The following CSNK1G3 variants were observed in gnomAD, a reference collection of about 807,000 sequenced individuals.
CSNK1G3 encodes casein kinase I isoform gamma-3.
Under a neutral mutation model 64.3 loss-of-function variants are expected in CSNK1G3, and 23 were observed. The ratio of observed to expected loss-of-function variants is 0.36; its 90% CI spans 0.26 to 0.51. The LOEUF (loss-of-function observed/expected upper bound fraction) is 0.51. Ranked by LOEUF, CSNK1G3 falls within the 20% of genes least tolerant of loss-of-function variation. The pLI, the probability that CSNK1G3 is intolerant of heterozygous loss-of-function variation, is 0.96. For missense variants in CSNK1G3, 357 were observed against 510.5 expected (o/e 0.70, Z 2.90); for synonymous variants, 158 against 162.2 (o/e 0.97, Z 0.20).
At chr5:123,613,929 A>G (rs1175655325) in intron 12 of CSNK1G3, among the ~76,000 whole-genome samples, 1 of 152,182 alleles carries the variant, frequency 6.6e-6, no homozygotes, top group Non-Finnish European at 1.5e-5. Context: ...TGTATATTGG[A>G]GTGTCTTTTT....
At chr5:123,615,592 T>TTAA (rs1749318739) in exon 13 of CSNK1G3, 1 of 126,840 alleles carries the variant, frequency 7.9e-6, no homozygotes, top group African/African-American at 2.6e-5. Context: ...TGCCTGCATA[T>TTAA]GAACAACAAC....
At chr5:123,560,871 A>G (rs1005222657) in intron 4 of CSNK1G3, among the ~76,000 whole-genome samples, 1 of 152,144 alleles carries the variant, frequency 6.6e-6, no homozygotes, top group Non-Finnish European at 1.5e-5. Context: ...GGGATGATGA[A>G]CAAATTTTGG....
At chr5:123,516,574 T>C (rs1231305098) in intron 1 of CSNK1G3, among the ~76,000 whole-genome samples, 1 of 152,232 alleles carries the variant, frequency 6.6e-6, no homozygotes, top group African/African-American at 2.4e-5. Context: ...TCCTGCCACT[T>C]CGTGCTTATC....
intron 1 of CSNK1G3, among the ~76,000 whole-genome samples, chr5:123,542,569 A>T (rs1023485293): frequency 1.3e-5 from 2 of 152,140 alleles, no homozygotes; most frequent in Admixed American, 6.6e-5. Context: ...CCCTTCATCC[A>T]AAAATGGCTT....
chr5:123,522,791 A>G (rs1778356863), intron 1 of CSNK1G3, among the ~76,000 whole-genome samples: 1 of 152,176 alleles, frequency 6.6e-6, no homozygotes, highest in African/African-American at 2.4e-5. Context: ...CCCATAGATA[A>G]TGAGGGTCAA....
Position 123,593,202 on chromosome 5 carries a change from TACACACACACAC to T in CSNK1G3, c.1086+1804_1086+1815del, listed in dbSNP as rs1554081831. 2.0e-5 allele frequency among the ~76,000 whole-genome samples: 3 copies of T among 146,928 alleles called. No individual in the cohort carries two copies. In the East Asian group the frequency reaches 6.1e-4, roughly 30 times the overall value. Reference sequence around the variant, plus strand: ...TGTAGGGTGGGTGTGTGTGTATATATACACACACACACACACACACACACACATATATATAAT... The same window carrying T: ...TGTAGGGTGGGTGTGTGTGTATATATACACACACACACACATATATATAAT... On this transcript the variant is annotated intron_variant, in intron 10 of 12. Transcript: ENST00000345990.
intron 8 of CSNK1G3, 58 bp from the exon 9 acceptor site, chr5:123,590,352 T>C: frequency 1.2e-6 from 1 of 840,878 alleles, no homozygotes; most frequent in Admixed American, 3.3e-5. Context: ...AGATACTTAA[T>C]TTTATTACTG....
At chr5:123,601,846 ATTG>A (rs1271586300) in intron 10 of CSNK1G3, among the ~76,000 whole-genome samples, 1 of 152,154 alleles carries the variant, frequency 6.6e-6, no homozygotes, top group Non-Finnish European at 1.5e-5. Flanking sequence ...AGCAGTGGAA[ATTG>A]TTCAGTGAAC....
intron 1 of CSNK1G3, among the ~76,000 whole-genome samples, chr5:123,518,474 A>C (rs1777553889): frequency 6.6e-6 from 1 of 152,124 alleles, no homozygotes; most frequent in Non-Finnish European, 1.5e-5. Context: ...TGTGTGTTGG[A>C]GTCATCCTAA....
exon 12 of CSNK1G3, chr5:123,605,350 T>C: frequency 2.5e-6 from 4 of 1,610,462 alleles, no homozygotes; most frequent in Non-Finnish European, 3.4e-6. Context: ...TGCCAGAAAG[T>C]GTTGAACATG....
At chr5:123,601,036 A>G (rs547890494) in intron 10 of CSNK1G3, among the ~76,000 whole-genome samples, 18 of 152,236 alleles carry the variant, frequency 1.2e-4, no homozygotes, top group East Asian at 7.7e-4. Flanking sequence ...TGAAATGTCA[A>G]ACCTCAGAAT....
chr5:123,572,459 A>G (rs1788311614), intron 4 of CSNK1G3, among the ~76,000 whole-genome samples: 1 of 152,174 alleles, frequency 6.6e-6, no homozygotes, highest in Admixed American at 6.5e-5. Context: ...GCTTAAGATG[A>G]AAGACTTTAT....
At chr5:123,548,043 G>C (rs1294211879) in intron 2 of CSNK1G3, among the ~76,000 whole-genome samples, 2 of 152,170 alleles carry the variant, frequency 1.3e-5, no homozygotes, top group Non-Finnish European at 2.9e-5. Flanking sequence ...GGCTAAGAAA[G>C]ACTATAAGGT....
At chr5:123,607,676 A>G (rs1461955211) in intron 12 of CSNK1G3, among the ~76,000 whole-genome samples, 11 of 152,192 alleles carry the variant, frequency 7.2e-5, no homozygotes, top group Non-Finnish European at 1.5e-5. Flanking sequence ...TCTGAATACT[A>G]AAAGACACTG....
chr5:123,557,819 A>G lies in CSNK1G3; in HGVS notation c.289+255A>G, dbSNP rs780436484. 3.3e-5 allele frequency among the ~76,000 whole-genome samples: 5 copies of G among 152,286 alleles called. No homozygotes were observed. The South Asian group carries it at 1.0e-3, about 32-fold the overall frequency. ...CAAATATAAAATGCATACTTCTTCC[A>G]TATTCTTAGTCTTTTTGGAGGCACT... On this transcript the variant is annotated intron_variant, in intron 4 of 12. Transcript: ENST00000345990.
chr5:123,603,534 A>G (rs1047015835), intron 10 of CSNK1G3, among the ~76,000 whole-genome samples: 42 of 152,128 alleles, frequency 2.8e-4, no homozygotes, highest in African/African-American at 7.5e-4. Context: ...GTCAAGAAAC[A>G]CAACAAATAA....
At chr5:123,566,442 TG>T (rs1032964426) in intron 4 of CSNK1G3, among the ~76,000 whole-genome samples, 9 of 152,192 alleles carry the variant, frequency 5.9e-5, no homozygotes, top group African/African-American at 2.2e-4. Context: ...CTGGAATGGG[TG>T]GAGTAAGATT....
chr5:123,535,432 T>C (rs998467687), intron 1 of CSNK1G3, among the ~76,000 whole-genome samples: 1 of 152,086 alleles, frequency 6.6e-6, no homozygotes, highest in Non-Finnish European at 1.5e-5. Flanking sequence ...TGACTCCTGG[T>C]ATAGAGAAAC....
At chr5:123,552,415 A>T (rs1049208818) in intron 2 of CSNK1G3, among the ~76,000 whole-genome samples, 38 of 152,164 alleles carry the variant, frequency 2.5e-4, no homozygotes, top group African/African-American at 8.0e-4. Flanking sequence ...AAGTGTTGGG[A>T]TTACAGGCAT....
Sources: allele counts gnomAD v4.1 joint callset (sites outside exome capture counted in the v4.1 genomes callset), GRCh38; gene constraint gnomAD v4.1.1; transcripts MANE v1.5; gene names NCBI Gene and HGNC (gene_info 2026-07-23, HGNC 2026-07-21).